Variants in CEP164 observed in about 807,000 individuals in gnomAD.
The protein encoded by CEP164 is centrosomal protein of 164 kDa.
CEP164 carries 162 observed loss-of-function variants against 182.7 expected under a neutral mutation model. That is an observed-to-expected ratio of 0.89 (90% CI 0.78 to 1.01). The LOEUF is 1.01. Among genes scored for constraint, CEP164 ranks in the 50% least tolerant of loss-of-function variants. The pLI is 0.00. For synonymous variants in CEP164, 661 were observed against 690.0 expected, an observed-to-expected ratio of 0.96 and a Z score of 0.66; for missense variants, 1,735 against 1,790.4, an observed-to-expected ratio of 0.97 and a Z score of 0.56.
intron 2 of CEP164, chr11:117,336,632 G>A (rs1425340179): frequency 2.6e-6 from 3 of 1,145,546 alleles, no homozygotes; most frequent in Non-Finnish European, 4.0e-6. Context: ...GATTCCACAT[G>A]TTTAGGTGTG....
chr11:117,336,729 G>C, intron 2 of CEP164: 1 of 679,482 alleles, frequency 1.5e-6, no homozygotes, highest in Non-Finnish European at 2.7e-6. Flanking sequence ...TGCTTGAAGA[G>C]GGCCGTTTCA....
chr11:117,362,307 TG>T, intron 6 of CEP164, 96 bp from the exon 7 acceptor site: 1 of 1,344,746 alleles, frequency 7.4e-7, no homozygotes, highest in Non-Finnish European at 1.0e-6. Flanking sequence ...GCACTTGATC[TG>T]GGAGACATTG....
intron 1 of CEP164, among the ~76,000 whole-genome samples, chr11:117,334,177 T>C (rs2036665916): frequency 6.6e-6 from 1 of 152,196 alleles, no homozygotes; most frequent in Non-Finnish European, 1.5e-5. Context: ...CACGATTGCA[T>C]CTCTAGCGCC....
Position 117,407,977 on chromosome 11 carries a change from T to A in CEP164, c.3554T>A (p.Leu1185Gln). ...MKSAMRKGHNLLKKKEEKLNQ... is the reference protein window; with the variant it reads ...MKSAMRKGHNQLKKKEEKLNQ... The stretch of plus-strand genomic sequence containing the variant: ...TCGGCCATGCGGAAAGGCCACAACC[T>A]GCTGAAGAAGAAAGAGGAGAAGCTG... The change falls in exon 28 of 33, where the codon CTG (leucine) becomes CAG (glutamine). Residue 1185 changes from leucine to glutamine, a missense_variant. Leu to Gln is a moderately radical substitution (Grantham distance 113, BLOSUM62 -2). Coordinates refer to ENST00000278935, the MANE Select transcript of CEP164 (RefSeq NM_014956.5). 1 of 1,602,950 alleles carries A rather than the reference T, an allele frequency of 6.2e-7. No individual in the cohort carries two copies. Among genetic ancestry groups the A allele is most frequent in the South Asian group, 1.1e-5 (1 of 88,306 alleles).
chr11:117,351,827 G>A lies in CEP164; in HGVS notation c.232G>A (p.Ala78Thr). 8.1e-6 allele frequency: 13 copies of A among 1,612,680 alleles called. No homozygotes were observed. The highest frequency in any genetic ancestry group is 1.1e-5 in the Non-Finnish European group (13 of 1,179,878). ...AGGTGACATTTACTATTTCAACTTC[G>A]CCAACGGGCAGTCTATGTGGGACCA... ...ITGDIYYFNF[A>T]NGQSMWDHPC... The change falls in exon 5 of 33, where the codon GCC (alanine) becomes ACC (threonine). Residue 78 changes from alanine to threonine, a missense_variant. Transcript: ENST00000278935.
intron 1 of CEP164, among the ~76,000 whole-genome samples, chr11:117,333,285 T>C (rs999255267): frequency 6.6e-6 from 1 of 152,152 alleles, no homozygotes; most frequent in Non-Finnish European, 1.5e-5. Context: ...GCCCTGTTAT[T>C]ACAGGTGTGA....
At chr11:117,356,121 C>T (rs556275152) in intron 5 of CEP164, 1 of 1,043,418 alleles carries the variant, frequency 9.6e-7, no homozygotes, top group East Asian at 9.9e-5. Context: ...GAGGGTATGG[C>T]TCAGTCAGAC....
chr11:117,347,121 T>C lies in CEP164; in HGVS notation c.194+2844T>C, dbSNP rs1394428844. ...TCATTCTTGTATCAGCTGCATACTT[T>C]CCCGTGTAGAGATGTAGCACAATTT... On this transcript the variant is annotated intron_variant, in intron 4 of 32. Coordinates refer to ENST00000278935, the MANE Select transcript of CEP164 (RefSeq NM_014956.5). Among the ~76,000 whole-genome samples, 3 of 152,324 alleles carry C rather than the reference T, an allele frequency of 2.0e-5. No homozygotes were observed. The East Asian group carries it at 5.8e-4, about 29-fold the overall frequency.
At position 117,409,170 on chromosome 11, in the gene CEP164, G is replaced by T; in HGVS notation, c.3748+142G>T. 1.8e-6 allele frequency: 2 copies of T among 1,131,250 alleles called. No homozygotes were observed. Among genetic ancestry groups the T allele is most frequent in the Non-Finnish European group, 2.5e-6 (2 of 803,844 alleles). 70.1% of individuals were successfully genotyped at this position (1,131,250 alleles called of 1,614,324 possible). A position where few individuals can be genotyped will look rare whatever the true frequency, so the allele number is the denominator to read the frequency against. ...TGTCTGGACTAGGTGCTCGGTCAGT[G>T]CTGGGAAGGAATCACACCATCTAGG... On this transcript the variant is annotated intron_variant, in intron 29 of 32. Coordinates refer to ENST00000278935, the MANE Select transcript of CEP164 (RefSeq NM_014956.5). The surrounding 1 kb of genome is among the most constrained non-coding windows in gnomAD (Gnocchi z 4.4).
intron 5 of CEP164, chr11:117,359,305 A>G (rs989664869): frequency 1.6e-5 from 10 of 621,198 alleles, no homozygotes; most frequent in Non-Finnish European, 1.6e-5. Flanking sequence ...GGATAATGGC[A>G]GAGCCAGTCT....
At chr11:117,333,641 G>A (rs372868715) in intron 1 of CEP164, among the ~76,000 whole-genome samples, 6 of 151,942 alleles carry the variant, frequency 3.9e-5, no homozygotes, top group Non-Finnish European at 5.9e-5. Context: ...TGATCCTCCC[G>A]CCTCAGTCTC....
chr11:117,399,658 CTATT>C (rs1465390124), intron 27 of CEP164, among the ~76,000 whole-genome samples: 2 of 152,196 alleles, frequency 1.3e-5, no homozygotes, highest in East Asian at 3.8e-4. Flanking sequence ...TGTTTCCTGA[CTATT>C]TAATGATTGC....
chr11:117,326,880 T>C (rs972866192), upstream of CEP164, among the ~76,000 whole-genome samples: 6 of 152,190 alleles, frequency 3.9e-5, no homozygotes, highest in Admixed American at 2.6e-4. Context: ...TTCCTATTGA[T>C]GTAATGGCCA....
At chr11:117,385,969 C>T (rs1225273301) in intron 14 of CEP164, 1 of 152,228 alleles carries the variant, frequency 6.6e-6, no homozygotes, top group Non-Finnish European at 1.5e-5. Context: ...TTGTTTTCCT[C>T]TACTGTTCTA....
chr11:117,382,669 G>A (rs367917370), intron 13 of CEP164, 127 bp from the exon 14 acceptor site: 18 of 1,132,646 alleles, frequency 1.6e-5, no homozygotes, highest in African/African-American at 6.2e-5. Context: ...TCTAAGACCC[G>A]AGGTAGGGAA....
intron 27 of CEP164, among the ~76,000 whole-genome samples, chr11:117,403,058 G>T (rs1328016817): frequency 1.3e-5 from 2 of 152,156 alleles, no homozygotes; most frequent in African/African-American, 4.8e-5. Context: ...GAGCCTATGT[G>T]TGTCTTTGCA....
In CEP164 at chr11:117,394,893, T is replaced by G; in HGVS notation, c.2761-27T>G. On this transcript the variant is annotated intron_variant, in intron 21 of 32. Coordinates refer to ENST00000278935, the MANE Select transcript of CEP164 (RefSeq NM_014956.5). This position sits in a 1 kb window ranked among gnomAD's most constrained non-coding sequence, Gnocchi z 4.0. ...CAGCTAATGCCTTACACTCTTTCTA[T>G]GCTTATGTGTTTCCCTTTCTGGGCA... 1 of 1,610,384 alleles carries G rather than the reference T, an allele frequency of 6.2e-7. No homozygotes were observed.
At chr11:117,405,322 G>A (rs1024387275) in intron 27 of CEP164, among the ~76,000 whole-genome samples, 1 of 152,350 alleles carries the variant, frequency 6.6e-6, no homozygotes, top group Admixed American at 6.5e-5. Flanking sequence ...GGGTTGCAAA[G>A]ATTGTGGGAA....
intron 31 of CEP164, 92 bp downstream of exon 31, chr11:117,410,986 ACCT>A (rs1223359444): frequency 8.5e-7 from 1 of 1,173,276 alleles, no homozygotes; most frequent in Non-Finnish European, 1.2e-6. Context: ...AGGGGAGCAG[ACCT>A]CCTGGTCTTA....
Sources: gnomAD v4.1 joint callset for allele counts (sites outside exome capture counted in the v4.1 genomes callset) on GRCh38, gnomAD v4.1.1 for gene constraint, Gnocchi (gnomAD v3.1) non-coding constraint, MANE v1.5 for transcripts, NCBI Gene and HGNC (gene_info 2026-07-23, HGNC 2026-07-21) for gene names.